The following IMMP2L variants were observed in gnomAD, a reference collection of about 807,000 sequenced individuals.
IMMP2L encodes the protein mitochondrial inner membrane protease subunit 2.
A neutral mutation model predicts 19.3 loss-of-function variants in IMMP2L; 18 were observed. That is an observed-to-expected ratio of 0.93 (90% CI 0.64 to 1.38). The LOEUF (loss-of-function observed/expected upper bound fraction) is 1.38. IMMP2L is among the 40% of genes most tolerant of loss of function. The pLI is 0.00. For synonymous variants in IMMP2L, 76 were observed against 73.0 expected (o/e 1.04, Z -0.21); for missense variants, 233 against 218.2 (o/e 1.07, Z -0.43).
intron 3 of IMMP2L, among the ~76,000 whole-genome samples, chr7:111,030,880 G>GTA (rs1790705168): frequency 5.8e-5 from 1 of 17,184 alleles, no homozygotes; most frequent in Admixed American, 8.0e-4. Context: ...GTGTGTGTGT[G>GTA]TGTGTATATA....
intron 3 of IMMP2L, among the ~76,000 whole-genome samples, chr7:111,095,505 T>C (rs1797307688): frequency 6.6e-6 from 1 of 151,968 alleles, no homozygotes; most frequent in African/African-American, 2.4e-5. Context: ...AAGCCAATAT[T>C]CAATAATAGA....
At chr7:110,996,101 G>C (rs916258069) in intron 3 of IMMP2L, among the ~76,000 whole-genome samples, 1 of 152,040 alleles carries the variant, frequency 6.6e-6, no homozygotes, top group African/African-American at 2.4e-5. Flanking sequence ...ACAAAATTAA[G>C]ATCAAATGAC....
intron 3 of IMMP2L, among the ~76,000 whole-genome samples, chr7:111,024,582 G>T (rs1487773090): frequency 1.3e-5 from 2 of 152,166 alleles, no homozygotes; most frequent in Non-Finnish European, 2.9e-5. Flanking sequence ...TATTGATAAA[G>T]TGCCTGATGC....
In IMMP2L at chr7:111,078,050, AT is replaced by A. The variant is rs1176511246; in HGVS notation, c.240-114486del. ...TTCACTATAATATTACTTTGTTTTA[AT>A]TTTTTAATGGTATTTACTAATGTCT... On this transcript the variant is annotated intron_variant, in intron 3 of 5. Coordinates refer to ENST00000405709, the MANE Select transcript of IMMP2L (RefSeq NM_032549.4). 1.1e-4 allele frequency among the ~76,000 whole-genome samples: 17 copies of A among 152,182 alleles called. No individual in the cohort carries two copies. In the East Asian group the frequency reaches 3.3e-3, roughly 29 times the overall value.
At chr7:111,349,225 C>T (rs1827887601) in intron 3 of IMMP2L, among the ~76,000 whole-genome samples, 1 of 151,882 alleles carries the variant, frequency 6.6e-6, no homozygotes, top group African/African-American at 2.4e-5. Flanking sequence ...GGCAAAATAA[C>T]AAATTAAATA....
intron 3 of IMMP2L, among the ~76,000 whole-genome samples, chr7:111,344,940 T>G (rs943761775): frequency 1.3e-5 from 2 of 151,892 alleles, no homozygotes; most frequent in African/African-American, 2.4e-5. Context: ...CAGTGATAAA[T>G]CTCTGGAGGA....
intron 3 of IMMP2L, among the ~76,000 whole-genome samples, chr7:111,054,130 T>A (rs1395277168): frequency 6.6e-6 from 1 of 152,212 alleles, no homozygotes; most frequent in East Asian, 1.9e-4. Context: ...AACATATTTT[T>A]AAGAGTGTAC....
intron 3 of IMMP2L, among the ~76,000 whole-genome samples, chr7:110,969,243 T>G (rs1368027690): frequency 6.6e-6 from 1 of 152,128 alleles, no homozygotes; most frequent in Admixed American, 6.6e-5. Flanking sequence ...CTGCCTCATT[T>G]TTAATGATTC....
intron 5 of IMMP2L, among the ~76,000 whole-genome samples, chr7:110,729,007 C>A (rs1414903881): frequency 1.3e-5 from 2 of 152,150 alleles, no homozygotes; most frequent in East Asian, 3.9e-4. Flanking sequence ...TCTCCAGCCT[C>A]AGCCCCCTGA....
chr7:110,721,534 GCAAA>G (rs199979630), intron 5 of IMMP2L, among the ~76,000 whole-genome samples: 3,370 of 151,668 alleles, frequency 0.022, 52 homozygotes, highest in Middle Eastern at 0.034. Flanking sequence ...TGACAAACAA[GCAAA>G]CAAACAAACA....
chr7:111,108,830 A>G, intron 3 of IMMP2L, among the ~76,000 whole-genome samples: 1 of 152,298 alleles, frequency 6.6e-6, no homozygotes, highest in South Asian at 2.1e-4. Flanking sequence ...AAATTTTTTT[A>G]AATGTATAAT....
chr7:111,296,306 C>T (rs1050595613), intron 3 of IMMP2L, among the ~76,000 whole-genome samples: 16 of 151,814 alleles, frequency 1.1e-4, no homozygotes, highest in African/African-American at 3.9e-4. Flanking sequence ...AAAACTGAAA[C>T]CACAGTGAAA....
At chr7:111,546,660 G>A (rs1314513189) in intron 1 of IMMP2L, among the ~76,000 whole-genome samples, 8 of 151,954 alleles carry the variant, frequency 5.3e-5, no homozygotes, top group Non-Finnish European at 1.0e-4. Flanking sequence ...TCCTTATTTT[G>A]AATGTTCTTC....
chr7:111,098,281 C>T (rs1404478652), intron 3 of IMMP2L, among the ~76,000 whole-genome samples: 1 of 151,768 alleles, frequency 6.6e-6, no homozygotes, highest in Non-Finnish European at 1.5e-5. Flanking sequence ...ACAAACACCA[C>T]AGTTGTTGAA....
intron 3 of IMMP2L, among the ~76,000 whole-genome samples, chr7:111,104,754 T>C (rs955221222): frequency 6.6e-6 from 1 of 151,820 alleles, no homozygotes. Context: ...CAATAAGCTG[T>C]AAGCTACACT....
intron 5 of IMMP2L, among the ~76,000 whole-genome samples, chr7:110,718,594 T>C (rs912342001): frequency 2.6e-5 from 4 of 152,160 alleles, no homozygotes; most frequent in South Asian, 2.1e-4. Context: ...TTAAAAGCAC[T>C]TGGAAGCTAG....
At chr7:110,886,523 C>T (rs1810234485) in intron 5 of IMMP2L, 70 bp downstream of exon 5, 1 of 836,434 alleles carries the variant, frequency 1.2e-6, no homozygotes, top group East Asian at 2.4e-5. Context: ...CCTGAATAAC[C>T]TATCTGACAT....
chr7:111,351,466 G>T (rs1439589237), intron 3 of IMMP2L, among the ~76,000 whole-genome samples: 2 of 152,140 alleles, frequency 1.3e-5, no homozygotes, highest in Non-Finnish European at 2.9e-5. Context: ...TGGGATTACA[G>T]GTGTGAGCCA....
intron 5 of IMMP2L, among the ~76,000 whole-genome samples, chr7:110,825,312 T>C (rs964684450): frequency 6.6e-6 from 1 of 152,144 alleles, no homozygotes; most frequent in Admixed American, 6.6e-5. Flanking sequence ...CCAATGACTT[T>C]CTTCACAGAA....
Sources: gnomAD v4.1 joint callset for allele counts (sites outside exome capture counted in the v4.1 genomes callset) on GRCh38, gnomAD v4.1.1 for gene constraint, MANE v1.5 for transcripts, NCBI Gene and HGNC (gene_info 2026-07-23, HGNC 2026-07-21) for gene names.